The following FMNL2 variants were observed in gnomAD, a reference collection of about 807,000 sequenced individuals.
FMNL2 encodes formin like 2.
In FMNL2, 51 loss-of-function variants were observed where a neutral mutation model predicts 130.2. The ratio of observed to expected loss-of-function variants is 0.39; its 90% CI spans 0.31 to 0.49. The LOEUF (loss-of-function observed/expected upper bound fraction) is 0.49. Ranked by LOEUF, FMNL2 falls within the 20% of genes least tolerant of loss-of-function variation. The pLI is 0.85. For missense variants in FMNL2, 977 were observed against 1,316.2 expected (o/e 0.74, Z 3.99); for synonymous variants, 465 against 467.1 (o/e 1.00, Z 0.06).
rs893841361 is a variant in FMNL2, at chr2:152,348,950, T to C, written c.117+13230T>C. Among the ~76,000 whole-genome samples the C allele has an allele frequency of 2.9e-5, 4 of 140,186 alleles. 1 individual carries two copies. The highest frequency in any genetic ancestry group is 1.1e-4 in the African/African-American group (4 of 36,448). 92.0% of individuals were successfully genotyped at this position (140,186 alleles called of 152,430 possible). A position where few individuals can be genotyped will look rare whatever the true frequency, so the allele number is the denominator to read the frequency against. On this transcript the variant is annotated intron_variant, in intron 1 of 25. Coordinates refer to ENST00000288670, the MANE Select transcript of FMNL2 (RefSeq NM_052905.4). ...CCCGGGTTCACGCCATTCTCCTGCC[T>C]CAGCCTCCCCAGTAGCTGGGACTAC...
At chr2:152,560,850 T>C in intron 5 of FMNL2, 33 bp from the exon 6 acceptor site, 1 of 1,584,336 alleles carries the variant, frequency 6.3e-7, no homozygotes, top group Non-Finnish European at 8.6e-7. Context: ...TGTGAATTTT[T>C]CAGTCTTCAA....
chr2:152,638,804 C>T (rs1315245505), intron 23 of FMNL2, among the ~76,000 whole-genome samples: 6 of 152,176 alleles, frequency 3.9e-5, no homozygotes, highest in South Asian at 2.1e-4. Flanking sequence ...AGATAGTCTG[C>T]GATGGCCCTT....
chr2:152,394,657 G>T (rs1685295781), intron 1 of FMNL2, among the ~76,000 whole-genome samples: 1 of 145,914 alleles, frequency 6.9e-6, no homozygotes, highest in Admixed American at 6.9e-5. Flanking sequence ...ATGACAACTT[G>T]ATCTCCCACA....
intron 2 of FMNL2, among the ~76,000 whole-genome samples, chr2:152,540,149 T>A (rs1280133905): frequency 6.6e-6 from 1 of 152,138 alleles, no homozygotes; most frequent in Non-Finnish European, 1.5e-5. Context: ...TTATTTATAT[T>A]CTGATATGTG....
At chr2:152,518,412 A>G (rs1692894798) in intron 1 of FMNL2, among the ~76,000 whole-genome samples, 1 of 152,210 alleles carries the variant, frequency 6.6e-6, no homozygotes. Flanking sequence ...ATAACTAATC[A>G]TGCTCAAAAA....
chr2:152,573,961 GC>G (rs1251930173), intron 6 of FMNL2, among the ~76,000 whole-genome samples: 1 of 152,166 alleles, frequency 6.6e-6, no homozygotes, highest in African/African-American at 2.4e-5. Flanking sequence ...ACAAATAGAA[GC>G]CCTTTGTGTT....
In FMNL2 at chr2:152,626,745, ATATTC is replaced by A; in HGVS notation, c.2165+21_2165+25del. ...ATTCATGTGTAAGTTCAGGAAAATT[ATATTC>A]TAGTTAGTTTATGATAAAATGAAAA... is the stretch of plus-strand genomic sequence containing the variant. On this transcript the variant is annotated intron_variant, in intron 17 of 25. Transcript: ENST00000288670. 6.3e-7 allele frequency: 1 copy of A among 1,581,488 alleles called. No homozygotes were observed. The highest frequency in any genetic ancestry group is 2.3e-5 in the East Asian group (1 of 44,102).
At chr2:152,356,467 A>T (rs1682787506) in intron 1 of FMNL2, among the ~76,000 whole-genome samples, 1 of 152,244 alleles carries the variant, frequency 6.6e-6, no homozygotes, top group African/African-American at 2.4e-5. Context: ...CATTGAATAA[A>T]TGTGCCATAA....
At chr2:152,360,930 G>A (rs1683131180) in intron 1 of FMNL2, among the ~76,000 whole-genome samples, 1 of 152,118 alleles carries the variant, frequency 6.6e-6, no homozygotes, top group Non-Finnish European at 1.5e-5. Context: ...TTGTTTATAA[G>A]ACTTCTTAAG....
At chr2:152,525,923 A>T (rs1558937746) in intron 2 of FMNL2, among the ~76,000 whole-genome samples, 1 of 152,052 alleles carries the variant, frequency 6.6e-6, no homozygotes, top group African/African-American at 2.4e-5. Context: ...TAAGAATATA[A>T]TTTTTTTTAA....
intron 7 of FMNL2, chr2:152,578,473 G>A (rs1221047484): frequency 1.9e-5 from 3 of 155,562 alleles, no homozygotes; most frequent in East Asian, 1.9e-4. Context: ...TTTAAGGAGC[G>A]GCCAAGGTTA....
intron 1 of FMNL2, among the ~76,000 whole-genome samples, chr2:152,466,525 G>A (rs551851099): frequency 7.4e-4 from 112 of 152,264 alleles, no homozygotes; most frequent in African/African-American, 2.6e-3. Context: ...TATAATGTGG[G>A]CCACTTTGGA....
intron 1 of FMNL2, among the ~76,000 whole-genome samples, chr2:152,486,237 A>G (rs538030948): frequency 1.3e-5 from 2 of 152,338 alleles, no homozygotes; most frequent in Admixed American, 6.5e-5. Flanking sequence ...AATGTAATTT[A>G]CGGGAAGTTC....
At chr2:152,639,554 C>G (rs1682906099) in intron 23 of FMNL2, among the ~76,000 whole-genome samples, 1 of 152,180 alleles carries the variant, frequency 6.6e-6, no homozygotes. Flanking sequence ...GGGTTTTCCC[C>G]TAACAATAGG....
intron 1 of FMNL2, among the ~76,000 whole-genome samples, chr2:152,356,777 T>C (rs1682817475): frequency 6.6e-6 from 1 of 150,984 alleles, no homozygotes; most frequent in East Asian, 1.9e-4. Context: ...TAAAACAGAC[T>C]TCAAGCATAA....
At chr2:152,635,916 G>A (rs1184473887) in intron 21 of FMNL2, among the ~76,000 whole-genome samples, 1 of 152,174 alleles carries the variant, frequency 6.6e-6, no homozygotes, top group Non-Finnish European at 1.5e-5. Flanking sequence ...GGAAAGTCGG[G>A]GCAGGAGTTT....
intron 1 of FMNL2, among the ~76,000 whole-genome samples, chr2:152,373,342 A>T (rs1683989334): frequency 6.6e-6 from 1 of 152,160 alleles, no homozygotes; most frequent in African/African-American, 2.4e-5. Context: ...CTCCATGAAC[A>T]GTTGGGGGGA....
intron 15 of FMNL2, among the ~76,000 whole-genome samples, chr2:152,624,263 T>C (rs950448099): frequency 2.6e-5 from 4 of 151,710 alleles, no homozygotes; most frequent in Middle Eastern, 3.4e-3. Context: ...GTTCAAGCGA[T>C]TCTCCTGCCT....
At chr2:152,418,920 C>T (rs530162922) in intron 1 of FMNL2, among the ~76,000 whole-genome samples, 1 of 150,716 alleles carries the variant, frequency 6.6e-6, no homozygotes, top group South Asian at 2.1e-4. Context: ...TAGCAATGCA[C>T]GAGGGTTCCG....
Sources: gnomAD v4.1 joint callset for allele counts (sites outside exome capture counted in the v4.1 genomes callset) on GRCh38, gnomAD v4.1.1 for gene constraint, MANE v1.5 for transcripts, NCBI Gene and HGNC (gene_info 2026-07-23, HGNC 2026-07-21) for gene names.